MEF2C: variants seen among roughly 807,000 people sequenced by gnomAD.
The protein encoded by MEF2C is myocyte enhancer factor 2C.
A neutral mutation model predicts 50.5 loss-of-function variants in MEF2C; 6 were observed. The observed-to-expected ratio is 0.12, with a 90% CI of 0.07 to 0.23. MEF2C has a LOEUF of 0.23. Ranked by LOEUF, MEF2C falls within the 10% of genes least tolerant of loss-of-function variation. The pLI is 1.00. For missense variants in MEF2C, 276 were observed against 605.0 expected (o/e 0.46, Z 5.70); for synonymous variants, 183 against 228.0 (o/e 0.80, Z 1.78).
chr5:88,903,660 A>G (rs1349702263), intron 1 of MEF2C, among the ~76,000 whole-genome samples: 17 of 152,096 alleles, frequency 1.1e-4, no homozygotes, highest in Admixed American at 1.0e-3. Context: ...TCATCTTCCA[A>G]ATATTGAAAA....
chr5:88,889,994 G>GC (rs1035877309), intron 1 of MEF2C, among the ~76,000 whole-genome samples: 15 of 152,200 alleles, frequency 9.9e-5, no homozygotes, highest in African/African-American at 3.6e-4. Flanking sequence ...AGCAAGAGGG[G>GC]CTCTGCAGGT....
intron 6 of MEF2C, chr5:88,738,750 A>C (rs1765184603): frequency 2.0e-6 from 2 of 985,238 alleles, no homozygotes; most frequent in African/African-American, 3.5e-5. Flanking sequence ...GTGATGTGCA[A>C]GTTTGAGGGA....
chr5:88,758,086 T>C (rs1462172966), intron 4 of MEF2C, among the ~76,000 whole-genome samples: 1 of 152,180 alleles, frequency 6.6e-6, no homozygotes, highest in African/African-American at 2.4e-5. Flanking sequence ...TCTATCTCCA[T>C]TGTACCTGTA....
At chr5:88,822,856 A>G (rs1321405658) in intron 2 of MEF2C, among the ~76,000 whole-genome samples, 1 of 151,942 alleles carries the variant, frequency 6.6e-6, no homozygotes, top group Non-Finnish European at 1.5e-5. Context: ...TGCAGGTTCC[A>G]TGATCCATAT....
intron 3 of MEF2C, among the ~76,000 whole-genome samples, chr5:88,789,171 CTT>C (rs370986981): frequency 6.9e-5 from 10 of 144,664 alleles, no homozygotes; most frequent in Admixed American, 7.0e-5. Context: ...TTTTGTAATA[CTT>C]TTTTTTTTTT....
At position 88,744,552 on chromosome 5, in the gene MEF2C, C is replaced by CA. The variant is rs921733694; in HGVS notation, c.637+4517dup. On this transcript the variant is annotated intron_variant, in intron 6 of 10. Coordinates refer to ENST00000504921, the MANE Select transcript of MEF2C (RefSeq NM_002397.5). ...TGGGTGACAGAACAAGACTCCGTCT[C>CA]AAAAAAAAAAGTTTTATAGAGTTAT... Among the ~76,000 whole-genome samples, 30 of 146,012 alleles carry CA rather than the reference C, an allele frequency of 2.1e-4. No individual in the cohort carries two copies. The East Asian group carries it at 4.0e-3, about 19-fold the overall frequency.
At chr5:88,773,202 T>C (rs1449313882) in intron 3 of MEF2C, among the ~76,000 whole-genome samples, 3 of 152,362 alleles carry the variant, frequency 2.0e-5, no homozygotes, top group African/African-American at 7.2e-5. Flanking sequence ...TCAATAAATG[T>C]TGTTATTGTC....
chr5:88,869,081 G>A (rs1349017581), intron 1 of MEF2C, among the ~76,000 whole-genome samples: 2 of 151,618 alleles, frequency 1.3e-5, no homozygotes, highest in African/African-American at 4.8e-5. Flanking sequence ...AACAGTGCCA[G>A]TGAGTTCTAA....
At chr5:88,828,637 T>C (rs1254734725) in intron 1 of MEF2C, among the ~76,000 whole-genome samples, 2 of 152,028 alleles carry the variant, frequency 1.3e-5, no homozygotes, top group East Asian at 3.9e-4. Context: ...AATTAAATGA[T>C]TCATTATCTT....
chr5:88,840,261 T>G (rs540776063), intron 1 of MEF2C, among the ~76,000 whole-genome samples: 45 of 152,324 alleles, frequency 3.0e-4, no homozygotes, highest in Non-Finnish European at 5.4e-4. Flanking sequence ...TTATGTCCAC[T>G]CCTCTTGTTC....
At chr5:88,760,124 T>C (rs547454554) in intron 4 of MEF2C, among the ~76,000 whole-genome samples, 1 of 152,396 alleles carries the variant, frequency 6.6e-6, no homozygotes, top group Admixed American at 6.5e-5. Flanking sequence ...ATTAGTTATT[T>C]AGAAGGTATG....
intron 7 of MEF2C, 58 bp downstream of exon 7, chr5:88,731,671 A>T (rs1190463318): frequency 2.0e-6 from 3 of 1,488,092 alleles, no homozygotes; most frequent in Non-Finnish European, 2.8e-6. Flanking sequence ...AAATATAAAA[A>T]CAGCAAAACA....
At chr5:88,849,150 CAAAAA>C (rs11295110) in intron 1 of MEF2C, among the ~76,000 whole-genome samples, 3 of 92,296 alleles carry the variant, frequency 3.3e-5, no homozygotes, top group African/African-American at 7.7e-5. Context: ...GACTTTGTCT[CAAAAA>C]AAAAAAAAAA....
chr5:88,775,427 AATAG>A (rs1784309790), intron 3 of MEF2C, among the ~76,000 whole-genome samples: 1 of 152,238 alleles, frequency 6.6e-6, no homozygotes, highest in South Asian at 2.1e-4. Context: ...CATTATGGCA[AATAG>A]ATCCTTCTTT....
intron 1 of MEF2C, among the ~76,000 whole-genome samples, chr5:88,882,532 G>C (rs866125131): frequency 6.6e-6 from 1 of 152,128 alleles, no homozygotes; most frequent in Non-Finnish European, 1.5e-5. Flanking sequence ...TGTCTTTGGG[G>C]GGACTCATGG....
At chr5:88,859,248 G>T (rs1432986852) in intron 1 of MEF2C, among the ~76,000 whole-genome samples, 1 of 152,094 alleles carries the variant, frequency 6.6e-6, no homozygotes, top group East Asian at 1.9e-4. Context: ...ACAGAATTTT[G>T]GGATGCAAAT....
intron 10 of MEF2C, among the ~76,000 whole-genome samples, chr5:88,725,402 CAAAG>C (rs1758243644): frequency 6.6e-6 from 1 of 151,878 alleles, no homozygotes. Flanking sequence ...TCTCTGTTAA[CAAAG>C]AAGTATTTTC....
chr5:88,773,457 T>G (rs1561943845), intron 3 of MEF2C, among the ~76,000 whole-genome samples: 1 of 152,340 alleles, frequency 6.6e-6, no homozygotes, highest in East Asian at 1.9e-4. Flanking sequence ...TTAATGTCTC[T>G]TTTATTCTTC....
rs73177773 is a variant in MEF2C, at chr5:88,773,651, T to C, written c.259-12323A>G. On this transcript the variant is annotated intron_variant, in intron 3 of 10. Transcript: ENST00000504921. ...AAATTGGTTAACTTTTCTGGATAGG[T>C]GTCCTACAGGGGACTAATGGTAAGG... 8.0e-3 allele frequency among the ~76,000 whole-genome samples: 1,220 copies of C among 152,272 alleles called. 15 individuals are homozygous for C. The highest frequency in any genetic ancestry group is 0.029 in the African/African-American group (1,187 of 41,534).
Sources: gnomAD v4.1 joint callset for allele counts (sites outside exome capture counted in the v4.1 genomes callset) on GRCh38, gnomAD v4.1.1 for gene constraint, MANE v1.5 for transcripts, NCBI Gene and HGNC (gene_info 2026-07-23, HGNC 2026-07-21) for gene names.